The following AGBL4 variants were observed in gnomAD, a reference collection of about 807,000 sequenced individuals.
AGBL4 encodes AGBL carboxypeptidase 4.
AGBL4 carries 58 observed loss-of-function variants against 66.4 expected under a neutral mutation model. The ratio of observed to expected loss-of-function variants is 0.87; its 90% CI spans 0.71 to 1.09. The LOEUF (loss-of-function observed/expected upper bound fraction) is 1.09, where lower values mean the gene tolerates loss of function less well. AGBL4 is among the 50% of genes least tolerant of loss of function. The pLI, the probability that AGBL4 is intolerant of heterozygous loss-of-function variation, is 0.00. For synonymous variants in AGBL4, 234 were observed against 222.9 expected (o/e 1.05, Z -0.44); for missense variants, 579 against 631.0 (o/e 0.92, Z 0.88).
rs113301577 is a variant in AGBL4, at chr1:49,323,275, T to C, written c.283-77411A>G. Among the ~76,000 whole-genome samples, 291 of 151,848 alleles carry C rather than the reference T, an allele frequency of 1.9e-3. 2 individuals are homozygous for C. The highest frequency in any genetic ancestry group is 6.7e-3 in the African/African-American group (276 of 41,424). On this transcript the variant is annotated intron_variant, in intron 3 of 13. Coordinates refer to ENST00000371839, the MANE Select transcript of AGBL4 (RefSeq NM_032785.4). ...TACCTACACTTTGCCACACAGGAGA[T>C]TTTTGTTTTTGTTTTTTTATTTTGA...
intron 6 of AGBL4, among the ~76,000 whole-genome samples, chr1:48,715,833 CT>C (rs1371043496): frequency 1.3e-5 from 2 of 152,074 alleles, no homozygotes; most frequent in East Asian, 3.9e-4. Context: ...CTTTTCTGGT[CT>C]TTTGGTTATT....
At chr1:49,568,083 C>T (rs778796178) in intron 3 of AGBL4, among the ~76,000 whole-genome samples, 8 of 152,132 alleles carry the variant, frequency 5.3e-5, no homozygotes, top group Non-Finnish European at 1.0e-4. Context: ...CTCATCCCTC[C>T]TGTTAGTATT....
intron 2 of AGBL4, among the ~76,000 whole-genome samples, chr1:49,727,219 G>A (rs1275792011): frequency 6.6e-6 from 1 of 152,048 alleles, no homozygotes; most frequent in Admixed American, 6.6e-5. Context: ...AGAAAACAAT[G>A]TATGAAGTAA....
chr1:48,970,923 G>A lies in AGBL4; in HGVS notation c.594+74661C>T, dbSNP rs945949380. The stretch of plus-strand genomic sequence containing the variant: ...AGAGGTTCTATGATTACAACTGCCT[G>A]TACTGAGCACCTACTATGTCTCAGG... On this transcript the variant is annotated intron_variant, in intron 5 of 13. Transcript: ENST00000371839. Among the ~76,000 whole-genome samples, 6 of 152,236 alleles carry A rather than the reference G, an allele frequency of 3.9e-5. No homozygotes were observed. The East Asian group carries it at 9.7e-4, about 25-fold the overall frequency.
intron 6 of AGBL4, among the ~76,000 whole-genome samples, chr1:48,711,062 C>T (rs1646959935): frequency 6.6e-6 from 1 of 152,200 alleles, no homozygotes; most frequent in African/African-American, 2.4e-5. Context: ...CTGCTCACCC[C>T]TGATCACCCT....
chr1:49,845,263 G>A (rs1300837439), intron 2 of AGBL4: 4 of 1,554,788 alleles, frequency 2.6e-6, no homozygotes, highest in Non-Finnish European at 2.6e-6. Context: ...TCAGTGTGAG[G>A]GGACCTTCAA....
At chr1:49,823,170 T>A (rs1645412642) in intron 2 of AGBL4, among the ~76,000 whole-genome samples, 1 of 152,214 alleles carries the variant, frequency 6.6e-6, no homozygotes, top group Non-Finnish European at 1.5e-5. Flanking sequence ...TGCACCATTA[T>A]ATATTTTGGA....
chr1:49,115,367 A>C (rs1215041871), intron 4 of AGBL4, among the ~76,000 whole-genome samples: 1 of 152,204 alleles, frequency 6.6e-6, no homozygotes, highest in Admixed American at 6.5e-5. Context: ...TCTATGGTGT[A>C]GTTTTAGGAA....
At chr1:49,309,390 GTC>G (rs1644905562) in intron 3 of AGBL4, among the ~76,000 whole-genome samples, 1 of 151,988 alleles carries the variant, frequency 6.6e-6, no homozygotes, top group Admixed American at 6.6e-5. Flanking sequence ...GATTCACTGT[GTC>G]AAGAGTGGCG....
At chr1:49,070,550 G>T (rs1644581247) in intron 4 of AGBL4, among the ~76,000 whole-genome samples, 1 of 151,982 alleles carries the variant, frequency 6.6e-6, no homozygotes, top group African/African-American at 2.4e-5. Context: ...ATTTGCATAT[G>T]TTGAACCAGC....
intron 5 of AGBL4, among the ~76,000 whole-genome samples, chr1:48,877,557 C>T (rs1649345066): frequency 6.6e-6 from 1 of 151,288 alleles, no homozygotes; most frequent in Non-Finnish European, 1.5e-5. Context: ...GAAGATCTTA[C>T]AATAAAAGAA....
chr1:48,972,581 T>C (rs1658995874), intron 5 of AGBL4, among the ~76,000 whole-genome samples: 1 of 152,164 alleles, frequency 6.6e-6, no homozygotes, highest in African/African-American at 2.4e-5. Flanking sequence ...TAGGTGACTT[T>C]CTTACAGCGT....
At chr1:49,651,728 C>T (rs993542489) in intron 3 of AGBL4, among the ~76,000 whole-genome samples, 1 of 151,956 alleles carries the variant, frequency 6.6e-6, no homozygotes, top group Non-Finnish European at 1.5e-5. Flanking sequence ...ACTCAAACAA[C>T]AGCAAATTCA....
At chr1:49,342,118 G>A (rs1645551984) in intron 3 of AGBL4, among the ~76,000 whole-genome samples, 2 of 152,106 alleles carry the variant, frequency 1.3e-5, no homozygotes, top group South Asian at 2.1e-4. Context: ...TTGTGTTCAA[G>A]TCCCAAGAAG....
intron 1 of AGBL4, among the ~76,000 whole-genome samples, chr1:49,875,336 G>A (rs1646964991): frequency 9.5e-6 from 1 of 104,736 alleles, no homozygotes; most frequent in South Asian, 3.6e-4. Flanking sequence ...TCCCCAGAGT[G>A]TGATATTCCC....
rs1387535182 is a variant in AGBL4, at chr1:49,336,062, G to T, written c.283-90198C>A. ...AGGAATTGGCTCACACATTTATGGA[G>T]ACTTAAAATCCCAGGATCTGCAGTC... On this transcript the variant is annotated intron_variant, in intron 3 of 13. Transcript: ENST00000371839. Among the ~76,000 whole-genome samples, 3 of 152,038 alleles carry T rather than the reference G, an allele frequency of 2.0e-5. No individual in the cohort carries two copies. The East Asian group carries it at 5.8e-4, about 29-fold the overall frequency.
At chr1:49,643,654 A>C (rs1380562495) in intron 3 of AGBL4, among the ~76,000 whole-genome samples, 2 of 151,726 alleles carry the variant, frequency 1.3e-5, no homozygotes, top group African/African-American at 4.8e-5. Flanking sequence ...AAAACAATGC[A>C]AGCTGAAACC....
chr1:49,176,413 G>C (rs1646832499), intron 4 of AGBL4, among the ~76,000 whole-genome samples: 1 of 151,980 alleles, frequency 6.6e-6, no homozygotes, highest in Non-Finnish European at 1.5e-5. Flanking sequence ...TTTAGTCATG[G>C]GTACCAACAT....
chr1:49,047,949 T>A (rs1161328089), intron 4 of AGBL4, among the ~76,000 whole-genome samples: 1 of 151,948 alleles, frequency 6.6e-6, no homozygotes, highest in Non-Finnish European at 1.5e-5. Flanking sequence ...TGCAAGGATG[T>A]GGGTATGGAG....
Sources: allele counts gnomAD v4.1 joint callset (sites outside exome capture counted in the v4.1 genomes callset), GRCh38; gene constraint gnomAD v4.1.1; transcripts MANE v1.5; gene names NCBI Gene and HGNC (gene_info 2026-07-23, HGNC 2026-07-21).